SHANK2: variants seen among roughly 807,000 people sequenced by gnomAD.
SHANK2 encodes the protein SH3 and multiple ankyrin repeat domains 2.
A neutral mutation model predicts 133.7 loss-of-function variants in SHANK2; 43 were observed. The observed-to-expected ratio is 0.32, with a 90% CI of 0.25 to 0.41. The LOEUF is 0.41. SHANK2 is among the 10% of genes least tolerant of loss of function. The pLI is 1.00. For missense variants in SHANK2, 1,994 were observed against 2,235.8 expected (o/e 0.89, Z 2.18); for synonymous variants, 1,017 against 952.8 (o/e 1.07, Z -1.24).
At chr11:71,249,563 T>C (rs1555125530) in intron 1 of SHANK2, among the ~76,000 whole-genome samples, 1 of 152,178 alleles carries the variant, frequency 6.6e-6, no homozygotes, top group Non-Finnish European at 1.5e-5. Context: ...GAGGCTGGAA[T>C]TGCAGGCAGG....
chr11:71,105,579 G>A (rs996017169), intron 6 of SHANK2, among the ~76,000 whole-genome samples: 9 of 123,936 alleles, frequency 7.3e-5, no homozygotes, highest in African/African-American at 2.8e-4. Flanking sequence ...GTGACAGAGA[G>A]AGACTCAGTC....
Position 70,709,158 on chromosome 11 carries a change from C to G in SHANK2, c.1778-10395G>C, listed in dbSNP as rs922072933. Among the ~76,000 whole-genome samples, 10 of 152,222 alleles carry G rather than the reference C, an allele frequency of 6.6e-5. No individual in the cohort carries two copies. The East Asian group carries it at 9.6e-4, about 15-fold the overall frequency. On this transcript the variant is annotated intron_variant, in intron 14 of 25. Coordinates refer to ENST00000601538, the MANE Select transcript of SHANK2 (RefSeq NM_012309.5). ...CCTGGGAGTTTGAGGCTACAGTGAG[C>G]TGAGATCACATCACTGCACCACAGC... is the stretch of plus-strand genomic sequence containing the variant.
Position 70,476,459 on chromosome 11 carries a change from G to C in SHANK2, c.4980-3020C>G, listed in dbSNP as rs1427504373. Reference sequence around the variant, plus strand: ...AGCTCCAGTTCCAACTTAAAACTGGGGGTGCTGTGGCCTGTTCTTCTGTGT... The same window carrying C: ...AGCTCCAGTTCCAACTTAAAACTGGCGGTGCTGTGGCCTGTTCTTCTGTGT... On this transcript the variant is annotated intron_variant, in intron 25 of 25. Transcript: ENST00000601538. Among the ~76,000 whole-genome samples, 5 of 152,138 alleles carry C rather than the reference G, an allele frequency of 3.3e-5. 1 individual carries two copies. The highest frequency in any genetic ancestry group is 3.3e-4 in the Admixed American group (5 of 15,272).
rs1336778248 is a variant in SHANK2, at chr11:70,618,010, G to A, written c.2061+41818C>T. ...TAATAATAATAAAAAAAAGATGTTT[G>A]ATTCAGGCTGGGCACAGTGGCTCAC... On this transcript the variant is annotated intron_variant, in intron 17 of 25. Coordinates refer to ENST00000601538, the MANE Select transcript of SHANK2 (RefSeq NM_012309.5). Among the ~76,000 whole-genome samples the A allele has an allele frequency of 2.0e-5, 3 of 152,252 alleles. No individual in the cohort carries two copies. In the East Asian group the frequency reaches 5.8e-4, roughly 29 times the overall value.
intron 17 of SHANK2, among the ~76,000 whole-genome samples, chr11:70,605,822 G>C (rs1302396512): frequency 1.3e-5 from 2 of 152,200 alleles, no homozygotes; most frequent in East Asian, 3.8e-4. Flanking sequence ...CAGGCCCCAG[G>C]ACGGCAGGTG....
At chr11:70,483,859 C>T (rs781991120) in intron 25 of SHANK2, among the ~76,000 whole-genome samples, 29 of 152,198 alleles carry the variant, frequency 1.9e-4, no homozygotes, top group Non-Finnish European at 3.2e-4. Flanking sequence ...CCTATCGATA[C>T]TCCTTTAGAG....
chr11:71,058,822 GCCCGGGCCCCGGGGGAACCCCAT>G (rs1950952442), intron 9 of SHANK2, among the ~76,000 whole-genome samples: 1 of 152,270 alleles, frequency 6.6e-6, no homozygotes, highest in African/African-American at 2.4e-5. Flanking sequence ...AGAGACCCCA[GCCCGGGCCCCGGGGGAACCCCAT>G]CCCTGGGAAC....
intron 11 of SHANK2, among the ~76,000 whole-genome samples, chr11:70,856,512 G>A (rs1555066833): frequency 6.6e-6 from 1 of 151,994 alleles, no homozygotes; most frequent in African/African-American, 2.4e-5. Context: ...TGGATGGATG[G>A]ATGGATGGAT....
At chr11:71,152,052 A>C (rs532573078) in intron 2 of SHANK2, among the ~76,000 whole-genome samples, 2 of 151,496 alleles carry the variant, frequency 1.3e-5, no homozygotes, top group Admixed American at 1.3e-4. Context: ...GCCTGCAGAT[A>C]TCTTTTAGAT....
intron 17 of SHANK2, among the ~76,000 whole-genome samples, chr11:70,639,848 T>A (rs1591688881): frequency 6.6e-6 from 1 of 151,914 alleles, no homozygotes; most frequent in South Asian, 2.1e-4. Context: ...CTCTCTAAAC[T>A]CTCGGCCTCT....
intron 10 of SHANK2, among the ~76,000 whole-genome samples, chr11:70,906,729 A>T (rs1950109489): frequency 6.6e-6 from 1 of 152,060 alleles, no homozygotes; most frequent in South Asian, 2.1e-4. Context: ...ATGCCCAAAG[A>T]CCCCAGGGCC....
chr11:70,614,738 A>G (rs1050849035), intron 17 of SHANK2, among the ~76,000 whole-genome samples: 8 of 152,226 alleles, frequency 5.3e-5, no homozygotes, highest in African/African-American at 1.9e-4. Flanking sequence ...CTGTGAGAGC[A>G]AGGATGACCA....
At chr11:70,817,820 C>T (rs569647867) in intron 12 of SHANK2, among the ~76,000 whole-genome samples, 9 of 152,308 alleles carry the variant, frequency 5.9e-5, no homozygotes, top group South Asian at 2.1e-4. Flanking sequence ...CTGCAACCTC[C>T]GCCTCCCAGG....
At chr11:70,724,070 C>G (rs778104184) in intron 14 of SHANK2, among the ~76,000 whole-genome samples, 50 of 149,234 alleles carry the variant, frequency 3.4e-4, no homozygotes, top group Non-Finnish European at 5.5e-4. Context: ...GAGTCTCACT[C>G]TGTTGCCCAG....
intron 17 of SHANK2, among the ~76,000 whole-genome samples, chr11:70,529,263 T>C (rs534483144): frequency 6.6e-6 from 1 of 152,340 alleles, no homozygotes; most frequent in Admixed American, 6.5e-5. Context: ...CACCCAGTCC[T>C]CCCAGCAGCC....
At position 70,670,617 on chromosome 11, in the gene SHANK2, G is replaced by A. The variant is rs532480565; in HGVS notation, c.1854-8939C>T. ...GGAGCTTCTCAGCCCATGACCACACGTGCAGCTGCTCCCAGCATCCTGCTT... is the reference window on the plus strand; with the variant it reads ...GGAGCTTCTCAGCCCATGACCACACATGCAGCTGCTCCCAGCATCCTGCTT... On this transcript the variant is annotated intron_variant, in intron 15 of 25. Coordinates refer to ENST00000601538, the MANE Select transcript of SHANK2 (RefSeq NM_012309.5). 3.8e-4 allele frequency among the ~76,000 whole-genome samples: 58 copies of A among 152,328 alleles called. 1 individual carries two copies. In the South Asian group the frequency reaches 0.011, roughly 29 times the overall value.
chr11:71,082,648 T>C (rs1232387255), intron 8 of SHANK2, among the ~76,000 whole-genome samples: 1 of 152,024 alleles, frequency 6.6e-6, no homozygotes, highest in Non-Finnish European at 1.5e-5. Flanking sequence ...CCTGGGAGGA[T>C]CAGGGGCCTG....
intron 14 of SHANK2, among the ~76,000 whole-genome samples, chr11:70,731,929 C>T (rs1946297722): frequency 6.6e-6 from 1 of 152,198 alleles, no homozygotes; most frequent in Non-Finnish European, 1.5e-5. Flanking sequence ...TGGCCAGGCT[C>T]TCCAGATGTC....
chr11:70,723,169 G>A (rs531655978), intron 14 of SHANK2, among the ~76,000 whole-genome samples: 3 of 152,300 alleles, frequency 2.0e-5, no homozygotes, highest in Non-Finnish European at 4.4e-5. Context: ...AATGAGCATG[G>A]GTTGGGTCTC....
Sources: gnomAD v4.1 joint callset for allele counts (sites outside exome capture counted in the v4.1 genomes callset) on GRCh38, gnomAD v4.1.1 for gene constraint, MANE v1.5 for transcripts, NCBI Gene and HGNC (gene_info 2026-07-23, HGNC 2026-07-21) for gene names.